MAP3K20: variants seen among roughly 807,000 people sequenced by gnomAD.
MAP3K20 encodes mitogen-activated protein kinase kinase kinase 20.
MAP3K20 carries 40 observed loss-of-function variants against 85.7 expected under a neutral mutation model. The ratio of observed to expected loss-of-function variants is 0.47; its 90% CI spans 0.36 to 0.61. MAP3K20 has a LOEUF of 0.61. Among genes scored for constraint, MAP3K20 ranks in the 20% least tolerant of loss-of-function variants. The pLI, the probability that MAP3K20 is intolerant of heterozygous loss-of-function variation, is 0.00. For synonymous variants in MAP3K20, 325 were observed against 327.7 expected (o/e 0.99, Z 0.09); for missense variants, 817 against 961.7 (o/e 0.85, Z 1.99).
At chr2:173,209,999 G>T in intron 10 of MAP3K20, 164 bp downstream of exon 10, 2 of 623,730 alleles carry the variant, frequency 3.2e-6, no homozygotes, top group Non-Finnish European at 5.6e-6. Flanking sequence ...TATAAGTCCT[G>T]CATTTCATAA....
chr2:173,224,106 C>A, intron 11 of MAP3K20: 1 of 844,620 alleles, frequency 1.2e-6, no homozygotes, highest in Non-Finnish European at 1.4e-6. Flanking sequence ...GCAAATGCAT[C>A]ATATGTTCAC....
intron 11 of MAP3K20, chr2:173,221,447 A>G: frequency 6.2e-7 from 1 of 1,613,832 alleles, no homozygotes; most frequent in Non-Finnish European, 8.5e-7. Context: ...TCTGGGGTTC[A>G]GTGATTTTGA....
intron 2 of MAP3K20, among the ~76,000 whole-genome samples, chr2:173,137,363 C>T (rs1051978092): frequency 2.0e-5 from 3 of 152,054 alleles, no homozygotes; most frequent in Non-Finnish European, 4.4e-5. Context: ...CTGAGAGATA[C>T]GGTGTAGTGT....
At chr2:173,128,666 C>T (rs548355981) in intron 2 of MAP3K20, among the ~76,000 whole-genome samples, 1 of 152,174 alleles carries the variant, frequency 6.6e-6, no homozygotes, top group East Asian at 1.9e-4. Context: ...CCATGCTGTT[C>T]TTTGCATTAA....
At chr2:173,177,295 A>C (rs1412350733) in intron 3 of MAP3K20, among the ~76,000 whole-genome samples, 1 of 152,212 alleles carries the variant, frequency 6.6e-6, no homozygotes, top group African/African-American at 2.4e-5. Flanking sequence ...TTCATCTAAG[A>C]GGACTGATAC....
At chr2:173,203,155 G>A (rs949888119) in intron 8 of MAP3K20, among the ~76,000 whole-genome samples, 1 of 152,108 alleles carries the variant, frequency 6.6e-6, no homozygotes, top group Non-Finnish European at 1.5e-5. Flanking sequence ...AACACAAAAT[G>A]CTTCTGTGGA....
intron 3 of MAP3K20, among the ~76,000 whole-genome samples, chr2:173,173,152 TTC>T (rs1319326154): frequency 8.2e-6 from 1 of 121,556 alleles, no homozygotes; most frequent in Non-Finnish European, 1.7e-5. Flanking sequence ...ATTCTTTTAT[TTC>T]TGTGTGTGTG....
intron 11 of MAP3K20, among the ~76,000 whole-genome samples, chr2:173,220,574 G>A (rs1684216374): frequency 1.3e-5 from 2 of 152,124 alleles, no homozygotes; most frequent in Non-Finnish European, 2.9e-5. Flanking sequence ...AAATAAATAA[G>A]TGGAAGCAAG....
intron 2 of MAP3K20, among the ~76,000 whole-genome samples, chr2:173,112,792 T>C (rs1688012472): frequency 6.6e-6 from 1 of 151,272 alleles, no homozygotes; most frequent in African/African-American, 2.4e-5. Flanking sequence ...ATTATCTTTT[T>C]GATATGTTGT....
At chr2:173,223,197 G>T (rs1310212835) in intron 11 of MAP3K20, 11 of 985,422 alleles carry the variant, frequency 1.1e-5, no homozygotes, top group Non-Finnish European at 1.3e-5. Flanking sequence ...TGGGTGTGAG[G>T]TGTACAGCAG....
intron 2 of MAP3K20, among the ~76,000 whole-genome samples, chr2:173,127,072 C>T (rs1463785741): frequency 6.6e-6 from 1 of 152,144 alleles, no homozygotes; most frequent in Non-Finnish European, 1.5e-5. Context: ...CATTCAATAA[C>T]ATTAGGATTC....
chr2:173,155,920 A>C (rs977725162), intron 2 of MAP3K20, among the ~76,000 whole-genome samples: 2 of 152,206 alleles, frequency 1.3e-5, no homozygotes, highest in African/African-American at 4.8e-5. Context: ...GTGCCACTAT[A>C]CCCAGCTTAA....
intron 2 of MAP3K20, among the ~76,000 whole-genome samples, chr2:173,154,315 T>G (rs1344474991): frequency 3.3e-5 from 5 of 152,078 alleles, no homozygotes; most frequent in Non-Finnish European, 7.4e-5. Flanking sequence ...TCCCGAGTAG[T>G]TTGGACTATA....
chr2:173,179,550 A>G (rs1690262931), intron 3 of MAP3K20, among the ~76,000 whole-genome samples: 1 of 152,198 alleles, frequency 6.6e-6, no homozygotes, highest in Non-Finnish European at 1.5e-5. Flanking sequence ...GAACAAGGCA[A>G]AGAAGTTCTA....
At chr2:173,219,423 CT>C (rs1339802597) in intron 11 of MAP3K20, among the ~76,000 whole-genome samples, 1 of 151,976 alleles carries the variant, frequency 6.6e-6, no homozygotes, top group South Asian at 2.1e-4. Flanking sequence ...TTGATGTAAA[CT>C]TTTTATTTAT....
At chr2:173,250,748 A>T (rs1390366460) in intron 16 of MAP3K20, among the ~76,000 whole-genome samples, 2 of 152,220 alleles carry the variant, frequency 1.3e-5, no homozygotes, top group Admixed American at 1.3e-4. Flanking sequence ...CAGACCCTGC[A>T]ACCTATACGC....
At chr2:173,096,552 A>G (rs1423647532) in intron 2 of MAP3K20, among the ~76,000 whole-genome samples, 3 of 151,998 alleles carry the variant, frequency 2.0e-5, no homozygotes, top group Non-Finnish European at 2.9e-5. Context: ...GTTAGCCAGG[A>G]TGGTCTCGAT....
At chr2:173,083,889 T>C (rs1687075177) in intron 1 of MAP3K20, among the ~76,000 whole-genome samples, 1 of 152,206 alleles carries the variant, frequency 6.6e-6, no homozygotes, top group African/African-American at 2.4e-5. Context: ...CGTGTAAGTT[T>C]TTCTTCCTAT....
At chr2:173,177,882 A>AG (rs11428624) in intron 3 of MAP3K20, among the ~76,000 whole-genome samples, 111,210 of 152,000 alleles carry the variant, frequency 0.73, 43,303 homozygotes, top group Non-Finnish European at 0.87. Context: ...AAAGAAGAAA[A>AG]TCTGAAGTGG....
Sources: gnomAD v4.1 joint callset for allele counts (sites outside exome capture counted in the v4.1 genomes callset) on GRCh38, gnomAD v4.1.1 for gene constraint, MANE v1.5 for transcripts, NCBI Gene and HGNC (gene_info 2026-07-23, HGNC 2026-07-21) for gene names.